DCC: variants seen among roughly 807,000 people sequenced by gnomAD.
The protein encoded by DCC is DCC netrin 1 receptor, also known as netrin receptor DCC.
A neutral mutation model predicts 172.5 loss-of-function variants in DCC; 58 were observed. The ratio of observed to expected loss-of-function variants is 0.34; its 90% confidence interval spans 0.27 to 0.42. The LOEUF (loss-of-function observed/expected upper bound fraction) is 0.42, where lower values mean the gene tolerates loss of function less well. Among genes scored for constraint, DCC ranks in the 10% least tolerant of loss-of-function variants. DCC has a pLI of 1.00. For synonymous variants in DCC, 709 were observed against 644.5 expected, an observed-to-expected ratio of 1.10 and a Z score of -1.52; for missense variants, 1,740 against 1,791.0, an observed-to-expected ratio of 0.97 and a Z score of 0.51.
intron 16 of DCC, among the ~76,000 whole-genome samples, chr18:53,391,099 T>C (rs957649695): frequency 6.6e-6 from 1 of 152,212 alleles, no homozygotes; most frequent in African/African-American, 2.4e-5. Context: ...CAGGGTACTT[T>C]GTTCTTTATT....
intron 9 of DCC, among the ~76,000 whole-genome samples, chr18:53,190,701 C>T (rs978054383): frequency 3.3e-5 from 5 of 152,138 alleles, no homozygotes; most frequent in African/African-American, 9.7e-5. Context: ...AATCCCAGCA[C>T]TTTGGGAGGC....
chr18:52,938,318 G>C (rs2040411186), intron 5 of DCC, among the ~76,000 whole-genome samples: 1 of 152,228 alleles, frequency 6.6e-6, no homozygotes, highest in South Asian at 2.1e-4. Context: ...ATGTGATCAT[G>C]AACCAAACTG....
intron 2 of DCC, among the ~76,000 whole-genome samples, chr18:52,777,928 AG>A (rs2037463440): frequency 6.6e-6 from 1 of 152,342 alleles, no homozygotes; most frequent in Middle Eastern, 3.4e-3. Flanking sequence ...CAAGGACAGC[AG>A]TCTCTTCTTG....
intron 1 of DCC, among the ~76,000 whole-genome samples, chr18:52,553,674 T>C (rs1286643963): frequency 6.6e-6 from 1 of 151,666 alleles, no homozygotes; most frequent in East Asian, 1.9e-4. Flanking sequence ...ATAATGACAG[T>C]GTAAGGAGGG....
Position 53,131,571 on chromosome 18 carries a change from G to T in DCC, c.1262-25785G>T, listed in dbSNP as rs185458116. 6.4e-4 allele frequency among the ~76,000 whole-genome samples: 97 copies of T among 152,154 alleles called. 1 individual carries two copies. The highest frequency in any genetic ancestry group is 2.0e-3 in the African/African-American group (81 of 41,512). ...CTTTGTGTGTGATGGTTGATGTGCG[G>T]GATCACAGGAAAAATTTCCCGCATA... On this transcript the variant is annotated intron_variant, in intron 7 of 28. Transcript: ENST00000442544.
chr18:53,067,412 C>T (rs1287825140), intron 7 of DCC, among the ~76,000 whole-genome samples: 1 of 152,024 alleles, frequency 6.6e-6, no homozygotes, highest in Non-Finnish European at 1.5e-5. Context: ...AGTCCAGCTA[C>T]TTGGGAGGCT....
intron 1 of DCC, among the ~76,000 whole-genome samples, chr18:52,566,755 C>T (rs2033170351): frequency 6.6e-6 from 1 of 151,990 alleles, no homozygotes; most frequent in Admixed American, 6.6e-5. Context: ...CTTTGGGGTA[C>T]AGCAAAGAAG....
At chr18:52,842,452 TCTTA>T (rs1387298482) in intron 2 of DCC, among the ~76,000 whole-genome samples, 4 of 152,162 alleles carry the variant, frequency 2.6e-5, no homozygotes, top group Non-Finnish European at 5.9e-5. Flanking sequence ...TCTTCAACCT[TCTTA>T]CTTCTTTTTG....
At chr18:52,558,214 A>G (rs1247125499) in intron 1 of DCC, among the ~76,000 whole-genome samples, 1 of 151,750 alleles carries the variant, frequency 6.6e-6, no homozygotes, top group Non-Finnish European at 1.5e-5. Flanking sequence ...GAGAAAAATA[A>G]GATTTTTGTT....
intron 5 of DCC, among the ~76,000 whole-genome samples, chr18:52,963,744 CA>C: frequency 6.6e-6 from 1 of 151,964 alleles, no homozygotes; most frequent in East Asian, 1.9e-4. Flanking sequence ...ATGTTTTAAA[CA>C]ATGCTGTTTT....
At chr18:53,458,795 C>A (rs138898067) in intron 23 of DCC, among the ~76,000 whole-genome samples, 8 of 152,284 alleles carry the variant, frequency 5.3e-5, no homozygotes, top group Non-Finnish European at 1.2e-4. Context: ...TCTTCTAAGA[C>A]CTCATCTTAG....
chr18:53,023,992 T>C (rs1033847423), intron 5 of DCC, among the ~76,000 whole-genome samples: 8 of 152,172 alleles, frequency 5.3e-5, no homozygotes, highest in African/African-American at 1.9e-4. Flanking sequence ...ATGGTTCAGA[T>C]GAATAAATTT....
chr18:52,786,294 T>A (rs2037657880), intron 2 of DCC, among the ~76,000 whole-genome samples: 1 of 152,018 alleles, frequency 6.6e-6, no homozygotes, highest in Non-Finnish European at 1.5e-5. Context: ...ACCCATCCCT[T>A]TTTGTTTCTT....
intron 1 of DCC, among the ~76,000 whole-genome samples, chr18:52,530,459 T>C (rs2032115699): frequency 6.6e-6 from 1 of 152,236 alleles, no homozygotes; most frequent in Non-Finnish European, 1.5e-5. Context: ...TAAACATTTC[T>C]TAGGAAGTCT....
chr18:52,970,063 G>A (rs2041004772), intron 5 of DCC, among the ~76,000 whole-genome samples: 1 of 151,980 alleles, frequency 6.6e-6, no homozygotes, highest in African/African-American at 2.4e-5. Context: ...GATTTTATGG[G>A]ATTTCTGTAT....
intron 1 of DCC, among the ~76,000 whole-genome samples, chr18:52,484,125 A>T (rs2030091566): frequency 1.3e-5 from 2 of 152,148 alleles, no homozygotes; most frequent in Admixed American, 1.3e-4. Context: ...AGGAATCAAG[A>T]AGCCAACCTT....
intron 3 of DCC, among the ~76,000 whole-genome samples, chr18:52,921,330 A>C (rs36156046): frequency 0.39 from 59,656 of 151,908 alleles, 12,303 homozygotes; most frequent in Non-Finnish European, 0.47. Flanking sequence ...CTGTTTTGTA[A>C]ATAAAAAATT....
At chr18:53,082,682 C>T (rs935389151) in intron 7 of DCC, among the ~76,000 whole-genome samples, 3 of 152,048 alleles carry the variant, frequency 2.0e-5, no homozygotes, top group East Asian at 3.9e-4. Context: ...CTCTTGTTTA[C>T]TAAAAACCTC....
intron 12 of DCC, among the ~76,000 whole-genome samples, chr18:53,270,507 G>T (rs762998170): frequency 6.6e-6 from 1 of 152,020 alleles, no homozygotes; most frequent in Non-Finnish European, 1.5e-5. Flanking sequence ...TTAAAATGAC[G>T]GTTTTGGAAA....
Sources: gnomAD v4.1 joint callset for allele counts (sites outside exome capture counted in the v4.1 genomes callset) on GRCh38, gnomAD v4.1.1 for gene constraint, MANE v1.5 for transcripts, NCBI Gene and HGNC (gene_info 2026-07-23, HGNC 2026-07-21) for gene names.